Variants in GSG1L observed in about 807,000 individuals in gnomAD.
GSG1L encodes the protein GSG1 like, also known as germ cell-specific gene 1-like protein.
Under a neutral mutation model 42.1 loss-of-function variants are expected in GSG1L, and 24 were observed. That is an observed-to-expected ratio of 0.57 (90% confidence interval 0.41 to 0.80). The LOEUF (loss-of-function observed/expected upper bound fraction) is 0.80. Among genes scored for constraint, GSG1L ranks in the 30% least tolerant of loss-of-function variants. GSG1L has a pLI of 0.00. For synonymous variants in GSG1L, 215 were observed against 203.5 expected, an observed-to-expected ratio of 1.06 and a Z score of -0.48; for missense variants, 445 against 472.2, an observed-to-expected ratio of 0.94 and a Z score of 0.53.
chr16:27,926,702 A>C (rs2084597207), intron 2 of GSG1L, among the ~76,000 whole-genome samples: 2 of 152,166 alleles, frequency 1.3e-5, no homozygotes, highest in Non-Finnish European at 1.5e-5. Flanking sequence ...GGAAAAAACA[A>C]ACGAAAAAAA....
At chr16:27,906,484 G>A (rs931763954) in intron 2 of GSG1L, among the ~76,000 whole-genome samples, 15 of 152,148 alleles carry the variant, frequency 9.9e-5, no homozygotes, top group Non-Finnish European at 2.1e-4. Flanking sequence ...GCTTCCCTGA[G>A]GATCTGAGGA....
intron 3 of GSG1L, among the ~76,000 whole-genome samples, chr16:27,877,924 G>A (rs926680995): frequency 1.3e-5 from 2 of 152,166 alleles, no homozygotes; most frequent in Admixed American, 6.5e-5. Context: ...GGTTCAACAC[G>A]TTACTAGCCA....
At chr16:27,914,530 A>ATTTT (rs34120581) in intron 2 of GSG1L, among the ~76,000 whole-genome samples, 6,289 of 139,554 alleles carry the variant, frequency 0.045, 496 homozygotes, top group African/African-American at 0.15. Flanking sequence ...TTTCTTTTCT[A>ATTTT]TTTTTTTTTT....
chr16:27,923,810 G>A (rs532579523), intron 2 of GSG1L, among the ~76,000 whole-genome samples: 60 of 151,790 alleles, frequency 4.0e-4, no homozygotes, highest in South Asian at 1.2e-3. Context: ...GAGAGAGAAC[G>A]TGCCAGAAAA....
intron 2 of GSG1L, among the ~76,000 whole-genome samples, chr16:27,886,784 T>C (rs1391344324): frequency 2.0e-5 from 3 of 152,134 alleles, no homozygotes; most frequent in Non-Finnish European, 4.4e-5. Context: ...ACACTAGTCA[T>C]GTGGTCTCCC....
At chr16:27,905,756 G>A (rs1002067811) in intron 2 of GSG1L, among the ~76,000 whole-genome samples, 2 of 152,080 alleles carry the variant, frequency 1.3e-5, no homozygotes, top group African/African-American at 2.4e-5. Flanking sequence ...AGGGCGGGGC[G>A]GGGGATGCAT....
intron 1 of GSG1L, among the ~76,000 whole-genome samples, chr16:28,050,877 T>A (rs1430809018): frequency 6.6e-6 from 1 of 152,130 alleles, no homozygotes. Flanking sequence ...GCAAGCTCCA[T>A]AAGACAAGGA....
In GSG1L at chr16:27,985,510, T is replaced by C. The variant is rs961217646; in HGVS notation, c.350-22307A>G. ...CTAACACGATGCTTTCCGCTCAGCC[T>C]GCAGAACCATGAGCCAAATAAACCT... On this transcript the variant is annotated intron_variant, in intron 1 of 6. Coordinates refer to ENST00000447459, the MANE Select transcript of GSG1L (RefSeq NM_001109763.2). Among the ~76,000 whole-genome samples the C allele has an allele frequency of 2.0e-5, 3 of 152,146 alleles. No individual in the cohort carries two copies. In the South Asian group the frequency reaches 6.2e-4, roughly 31 times the overall value.
Position 27,884,981 on chromosome 16 carries a change from C to T in GSG1L, c.398-343G>A, listed in dbSNP as rs369643849. 2.6e-5 allele frequency among the ~76,000 whole-genome samples: 4 copies of T among 152,118 alleles called. No individual in the cohort carries two copies. Among genetic ancestry groups the T allele is most frequent in the African/African-American group, 4.8e-5 (2 of 41,410 alleles). On this transcript the variant is annotated intron_variant, in intron 2 of 6. Coordinates refer to ENST00000447459, the MANE Select transcript of GSG1L (RefSeq NM_001109763.2). The surrounding 1 kb of genome is among the most constrained non-coding windows in gnomAD (Gnocchi z 4.4). ...TTTAGGGTGAAGCTGACACTGTAGACGCAGAGAAGAGTGATGGAACGATGG... is the reference window on the plus strand; with the variant it reads ...TTTAGGGTGAAGCTGACACTGTAGATGCAGAGAAGAGTGATGGAACGATGG...
chr16:27,793,259 CT>C lies in GSG1L; in HGVS notation c.899-1793del, dbSNP rs1387259048. ...AAGAGGAAGATGGTTGTGTCCATAG[CT>C]GGGGTGGGGGGTAATATTTTTGGCT... On this transcript the variant is annotated intron_variant, in intron 6 of 6. Transcript: ENST00000447459. Among the ~76,000 whole-genome samples, 5 of 152,290 alleles carry C rather than the reference CT, an allele frequency of 3.3e-5. No individual in the cohort carries two copies. In the East Asian group the frequency reaches 9.6e-4, roughly 29 times the overall value.
At chr16:27,794,383 T>C (rs988851817) in intron 6 of GSG1L, among the ~76,000 whole-genome samples, 1 of 151,298 alleles carries the variant, frequency 6.6e-6, no homozygotes, top group Non-Finnish European at 1.5e-5. Flanking sequence ...CAGGCTGGAG[T>C]GCAGTGGCGC....
intron 1 of GSG1L, among the ~76,000 whole-genome samples, chr16:27,984,285 G>T (rs190145661): frequency 4.6e-5 from 7 of 152,248 alleles, no homozygotes; most frequent in African/African-American, 1.4e-4. Flanking sequence ...GCTCACTGCA[G>T]AACATGTAGC....
intron 3 of GSG1L, among the ~76,000 whole-genome samples, chr16:27,847,724 G>A (rs1026047595): frequency 2.0e-5 from 3 of 152,194 alleles, no homozygotes; most frequent in African/African-American, 4.8e-5. Context: ...TCGTGATAGC[G>A]AGTGAGTTCT....
intron 1 of GSG1L, among the ~76,000 whole-genome samples, chr16:28,007,456 G>C (rs1453397779): frequency 6.6e-6 from 1 of 152,136 alleles, no homozygotes; most frequent in East Asian, 1.9e-4. Flanking sequence ...AACTGTGGGA[G>C]AATAAATGTG....
chr16:27,837,853 C>CT (rs199778968), intron 4 of GSG1L, among the ~76,000 whole-genome samples: 293 of 140,968 alleles, frequency 2.1e-3, no homozygotes, highest in East Asian at 5.5e-3. Flanking sequence ...TTAGTTGGGC[C>CT]TTTTTTTTTT....
intron 2 of GSG1L, among the ~76,000 whole-genome samples, chr16:27,916,484 T>TC (rs1173190082): frequency 4.6e-5 from 5 of 107,548 alleles, no homozygotes; most frequent in African/African-American, 1.7e-4. Context: ...ATATTTTTAA[T>TC]CCTTTTTTTT....
intron 3 of GSG1L, among the ~76,000 whole-genome samples, chr16:27,846,906 G>A (rs184423618): frequency 6.7e-6 from 1 of 148,786 alleles, no homozygotes; most frequent in Non-Finnish European, 1.5e-5. Context: ...GCAGTGAACC[G>A]AGATCGTGCC....
chr16:27,888,837 C>T lies in GSG1L; in HGVS notation c.398-4199G>A, dbSNP rs376850047. On this transcript the variant is annotated intron_variant, in intron 2 of 6. Coordinates refer to ENST00000447459, the MANE Select transcript of GSG1L (RefSeq NM_001109763.2). The stretch of plus-strand genomic sequence containing the variant: ...TTCACCATGTTGGCCAGGCTTGTCT[C>T]GAACTCCTGACCTCAAATGATCCAC... Among the ~76,000 whole-genome samples the T allele has an allele frequency of 4.6e-5, 7 of 151,636 alleles. No individual in the cohort carries two copies. The East Asian group carries it at 5.8e-4, about 13-fold the overall frequency.
At chr16:27,837,853 C>CTTT (rs199778968) in intron 4 of GSG1L, among the ~76,000 whole-genome samples, 2 of 141,128 alleles carry the variant, frequency 1.4e-5, no homozygotes, top group Non-Finnish European at 3.1e-5. Flanking sequence ...TTAGTTGGGC[C>CTTT]TTTTTTTTTT....
Sources: gnomAD v4.1 joint callset for allele counts (sites outside exome capture counted in the v4.1 genomes callset) on GRCh38, gnomAD v4.1.1 for gene constraint, Gnocchi (gnomAD v3.1) non-coding constraint, MANE v1.5 for transcripts, NCBI Gene and HGNC (gene_info 2026-07-23, HGNC 2026-07-21) for gene names.